CHLSN: variants seen among roughly 807,000 people sequenced by gnomAD.
CHLSN encodes protein cholesin.
chr7:1,069,153 G>A, the CHLSN span, among the ~76,000 whole-genome samples: 1 of 152,160 alleles, frequency 6.6e-6, no homozygotes, highest in African/African-American at 2.4e-5. Context: ...ACCACATGGA[G>A]AAACCCCGTC....
chr7:983,128 G>A, the CHLSN span: 84 of 1,215,338 alleles, frequency 6.9e-5, no homozygotes, highest in Non-Finnish European at 8.6e-5. Context: ...GGTGGGGTGC[G>A]GGCACGCCCT....
At chr7:1,114,741 G>A in the CHLSN span, among the ~76,000 whole-genome samples, 3 of 152,268 alleles carry the variant, frequency 2.0e-5, no homozygotes, top group Admixed American at 6.5e-5. Context: ...GGCCCAAACC[G>A]CGGGGTGAGC....
At chr7:1,086,268 G>C in the CHLSN span, among the ~76,000 whole-genome samples, 1 of 152,186 alleles carries the variant, frequency 6.6e-6, no homozygotes, top group Admixed American at 6.5e-5. Context: ...GCTATTTCAA[G>C]GTTTGAATTT....
chr7:995,134 C>A, the CHLSN span, among the ~76,000 whole-genome samples: 1 of 152,264 alleles, frequency 6.6e-6, no homozygotes, highest in Non-Finnish European at 1.5e-5. Context: ...GCACACACAG[C>A]CCCAGCACAT....
At chr7:1,012,393 C>T in the CHLSN span, among the ~76,000 whole-genome samples, 3 of 152,244 alleles carry the variant, frequency 2.0e-5, no homozygotes, top group African/African-American at 4.8e-5. Context: ...GAACCCAGGC[C>T]GTCCCATATC....
the CHLSN span, among the ~76,000 whole-genome samples, chr7:1,069,362 C>G: frequency 6.9e-6 from 1 of 145,162 alleles, no homozygotes; most frequent in Non-Finnish European, 1.6e-5. Flanking sequence ...CCTCTCCCCT[C>G]TCCCCTCTCC....
the CHLSN span, among the ~76,000 whole-genome samples, chr7:1,039,934 CG>C: frequency 2.3e-5 from 2 of 85,544 alleles, no homozygotes; most frequent in Admixed American, 2.4e-4. Flanking sequence ...GGATTAAGGG[CG>C]GTGCAAGATG....
chr7:1,046,647 G>A, the CHLSN span, among the ~76,000 whole-genome samples: 4 of 152,198 alleles, frequency 2.6e-5, no homozygotes, highest in African/African-American at 4.8e-5. Flanking sequence ...TCTTAGGAGC[G>A]TGCTGTCTAC....
At chr7:1,015,834 C>G in the CHLSN span, among the ~76,000 whole-genome samples, 2 of 152,200 alleles carry the variant, frequency 1.3e-5, no homozygotes, top group African/African-American at 2.4e-5. Context: ...GAAGCGAGGC[C>G]AAAGGTCATC....
At chr7:1,133,786 GATAA>G in the CHLSN span, among the ~76,000 whole-genome samples, 5 of 148,904 alleles carry the variant, frequency 3.4e-5, no homozygotes, top group Non-Finnish European at 7.4e-5. Context: ...GCTACTTTAC[GATAA>G]ATAAATAAAT....
the CHLSN span, among the ~76,000 whole-genome samples, chr7:1,131,408 A>G: frequency 1.3e-5 from 2 of 152,162 alleles, no homozygotes; most frequent in Admixed American, 1.3e-4. Flanking sequence ...ACAGTCAAAG[A>G]GCAAAGGCCC....
chr7:998,457 C>CTTTTTTTTT, the CHLSN span, among the ~76,000 whole-genome samples: 15 of 95,008 alleles, frequency 1.6e-4, no homozygotes, highest in South Asian at 3.5e-4. Flanking sequence ...GTCTTAGATT[C>CTTTTTTTTT]TTTTTTTTTT....
chr7:1,075,713 C>G, the CHLSN span, among the ~76,000 whole-genome samples: 1 of 150,444 alleles, frequency 6.6e-6, no homozygotes, highest in African/African-American at 2.4e-5. Context: ...CCTGGGTTCA[C>G]GCCATTGTCC....
the CHLSN span, among the ~76,000 whole-genome samples, chr7:993,611 T>C: frequency 8.5e-5 from 13 of 152,060 alleles, no homozygotes; most frequent in African/African-American, 2.9e-4. Flanking sequence ...CCCCCGCTTC[T>C]ACAAAAAATA....
At chr7:1,136,335 T>C in the CHLSN span, among the ~76,000 whole-genome samples, 1 of 106,570 alleles carries the variant, frequency 9.4e-6, no homozygotes, top group African/African-American at 4.3e-5. Context: ...TATATAAATA[T>C]ATAAACATAT....
At chr7:1,017,774 C>T in the CHLSN span, among the ~76,000 whole-genome samples, 12 of 152,182 alleles carry the variant, frequency 7.9e-5, no homozygotes, top group Non-Finnish European at 1.5e-4. Flanking sequence ...CAGCTGCGGA[C>T]GGCAGGGTAA....
At chr7:1,042,590 T>G in the CHLSN span, among the ~76,000 whole-genome samples, 1 of 152,226 alleles carries the variant, frequency 6.6e-6, no homozygotes, top group Non-Finnish European at 1.5e-5. Context: ...CCATTCTCCC[T>G]GGCAGGACTG....
At chr7:1,126,845 C>T in the CHLSN span, among the ~76,000 whole-genome samples, 4 of 152,132 alleles carry the variant, frequency 2.6e-5, no homozygotes, top group East Asian at 1.9e-4. Flanking sequence ...TCGTGTTATT[C>T]GACACGAACA....
At chr7:1,048,447 C>G in the CHLSN span, among the ~76,000 whole-genome samples, 4 of 152,136 alleles carry the variant, frequency 2.6e-5, no homozygotes, top group Admixed American at 2.6e-4. Flanking sequence ...CTCACACACA[C>G]ATACAGGGAC....
Sources: allele counts gnomAD v4.1 joint callset (sites outside exome capture counted in the v4.1 genomes callset), GRCh38; gene constraint gnomAD v4.1.1; transcripts MANE v1.5; gene names NCBI Gene and HGNC (gene_info 2026-07-23, HGNC 2026-07-21).